Variants in ZNF521 observed in about 807,000 individuals in gnomAD.
ZNF521 encodes LYST-interacting protein 3.
Under a neutral mutation model 105.5 loss-of-function variants are expected in ZNF521, and 14 were observed. The ratio of observed to expected loss-of-function variants is 0.13; its 90% CI spans 0.09 to 0.21. The LOEUF (loss-of-function observed/expected upper bound fraction) is 0.21. Ranked by LOEUF, ZNF521 falls within the 10% of genes least tolerant of loss-of-function variation. The probability of loss-of-function intolerance (pLI) is 1.00; values close to 1 mark genes in which losing one functional copy is unlikely to be tolerated. For synonymous variants in ZNF521, 635 were observed against 606.0 expected (o/e 1.05, Z -0.70); for missense variants, 1,233 against 1,629.7 (o/e 0.76, Z 4.19).
intron 5 of ZNF521, among the ~76,000 whole-genome samples, chr18:25,148,939 C>T (rs570427587): frequency 1.8e-4 from 27 of 152,254 alleles, no homozygotes; most frequent in African/African-American, 6.5e-4. Flanking sequence ...TCTGTTATGT[C>T]CCTTTTCAGT....
intron 2 of ZNF521, among the ~76,000 whole-genome samples, chr18:25,330,294 G>A (rs1159669495): frequency 6.6e-6 from 1 of 152,086 alleles, no homozygotes; most frequent in Non-Finnish European, 1.5e-5. Flanking sequence ...CTCTCAAGTA[G>A]CTGGGACTAC....
chr18:25,223,667 A>C (rs1905888586), intron 4 of ZNF521, among the ~76,000 whole-genome samples: 1 of 152,128 alleles, frequency 6.6e-6, no homozygotes, highest in Non-Finnish European at 1.5e-5. Flanking sequence ...CAAAGAAAGC[A>C]GAAAACTACT....
intron 3 of ZNF521, among the ~76,000 whole-genome samples, chr18:25,291,680 A>G (rs547509508): frequency 6.6e-6 from 1 of 152,282 alleles, no homozygotes; most frequent in East Asian, 1.9e-4. Context: ...CCTGCAGACA[A>G]TTCTACTCTC....
chr18:25,343,048 T>C (rs1167784080), intron 2 of ZNF521, among the ~76,000 whole-genome samples: 1 of 152,254 alleles, frequency 6.6e-6, no homozygotes, highest in Non-Finnish European at 1.5e-5. Flanking sequence ...TATAGTTTAC[T>C]GTGTGGACTG....
intron 4 of ZNF521, among the ~76,000 whole-genome samples, chr18:25,213,206 T>C (rs1233984499): frequency 6.7e-6 from 1 of 148,314 alleles, no homozygotes; most frequent in Non-Finnish European, 1.5e-5. Flanking sequence ...ATAGTTACAT[T>C]ATAATTATAT....
intron 5 of ZNF521, among the ~76,000 whole-genome samples, chr18:25,115,221 G>A (rs2034279128): frequency 6.6e-6 from 1 of 152,104 alleles, no homozygotes; most frequent in Non-Finnish European, 1.5e-5. Flanking sequence ...ACATAATTTG[G>A]GGATCTGACA....
At chr18:25,234,083 C>G (rs535776184) in intron 3 of ZNF521, among the ~76,000 whole-genome samples, 11 of 152,250 alleles carry the variant, frequency 7.2e-5, no homozygotes, top group African/African-American at 2.7e-4. Flanking sequence ...TGAAGCCAGA[C>G]AGAAGGAAAA....
intron 4 of ZNF521, among the ~76,000 whole-genome samples, chr18:25,219,927 C>A (rs374415987): frequency 6.6e-6 from 1 of 152,234 alleles, no homozygotes; most frequent in East Asian, 1.9e-4. Flanking sequence ...CATGCAGTCA[C>A]GTAACCACCA....
rs138331600 is a variant in ZNF521 at position 25,208,951 on chromosome 18, C to T, written c.3574-13707G>A. 1.1e-3 allele frequency among the ~76,000 whole-genome samples: 170 copies of T among 152,058 alleles called. 1 individual carries two copies. The highest frequency in any genetic ancestry group is 6.2e-4 in the Non-Finnish European group (42 of 67,996). On this transcript the variant is annotated intron_variant, in intron 4 of 7. Transcript: ENST00000361524. ...TATTTTTGCTTCCTACTGCCTAAGCCGAACTTAAATGTAAAATTTCGAAGA... is the reference window on the plus strand; with the variant it reads ...TATTTTTGCTTCCTACTGCCTAAGCTGAACTTAAATGTAAAATTTCGAAGA...
At chr18:25,331,688 AC>A (rs959177497) in intron 2 of ZNF521, among the ~76,000 whole-genome samples, 17 of 152,294 alleles carry the variant, frequency 1.1e-4, no homozygotes, top group African/African-American at 3.4e-4. Context: ...TCTGAATTGG[AC>A]ACCTAAAGTT....
At chr18:25,205,926 T>C (rs957639653) in intron 4 of ZNF521, among the ~76,000 whole-genome samples, 1 of 152,198 alleles carries the variant, frequency 6.6e-6, no homozygotes. Context: ...ATTATTTCAA[T>C]AAAACTGATC....
At chr18:25,100,760 GA>G (rs1330423926) in intron 5 of ZNF521, among the ~76,000 whole-genome samples, 1 of 151,988 alleles carries the variant, frequency 6.6e-6, no homozygotes, top group Non-Finnish European at 1.5e-5. Flanking sequence ...TGTGAAACTT[GA>G]ATTCTTCTAA....
chr18:25,134,099 C>A (rs149744670), intron 5 of ZNF521, among the ~76,000 whole-genome samples: 1 of 152,200 alleles, frequency 6.6e-6, no homozygotes, highest in South Asian at 2.1e-4. Context: ...TTACTGCTGG[C>A]GGCCTATAAA....
At chr18:25,089,075 C>T (rs919290981) in intron 7 of ZNF521, among the ~76,000 whole-genome samples, 16 of 152,292 alleles carry the variant, frequency 1.1e-4, no homozygotes, top group Admixed American at 1.0e-3. Flanking sequence ...CAATTTTAAG[C>T]CCCTCAGGAC....
chr18:25,328,098 T>C lies in ZNF521; in HGVS notation c.41-5911A>G, dbSNP rs142143581. Among the ~76,000 whole-genome samples the C allele has an allele frequency of 7.4e-4, 113 of 152,320 alleles. 1 individual carries two copies. The highest frequency in any genetic ancestry group is 2.5e-3 in the African/African-American group (106 of 41,578). On this transcript the variant is annotated intron_variant, in intron 2 of 7. Coordinates refer to ENST00000361524, the MANE Select transcript of ZNF521 (RefSeq NM_015461.3). ...ACTCTATTCTCTGAAAGTTGTTAAA[T>C]TGTTTTACAGAAGAAGAAAAGGAAC...
chr18:25,257,415 C>A (rs1908594904), intron 3 of ZNF521, among the ~76,000 whole-genome samples: 1 of 152,148 alleles, frequency 6.6e-6, no homozygotes, highest in Non-Finnish European at 1.5e-5. Context: ...GCTTCAACTT[C>A]TTATGTGACC....
chr18:25,306,621 T>C (rs1911993377), intron 3 of ZNF521, among the ~76,000 whole-genome samples: 1 of 152,186 alleles, frequency 6.6e-6, no homozygotes, highest in African/African-American at 2.4e-5. Context: ...CTTAATGCTT[T>C]AAATGTCCTG....
At chr18:25,090,338 G>A (rs773257245) in intron 6 of ZNF521, among the ~76,000 whole-genome samples, 10 of 152,074 alleles carry the variant, frequency 6.6e-5, no homozygotes, top group Non-Finnish European at 8.8e-5. Flanking sequence ...GGCAGGGAAA[G>A]GATTTATTAA....
intron 5 of ZNF521, among the ~76,000 whole-genome samples, chr18:25,161,254 G>T (rs1042780143): frequency 6.6e-6 from 1 of 152,106 alleles, no homozygotes; most frequent in African/African-American, 2.4e-5. Flanking sequence ...CACACACGGT[G>T]GTTGGGGGAA....
Sources: gnomAD v4.1 joint callset for allele counts (sites outside exome capture counted in the v4.1 genomes callset) on GRCh38, gnomAD v4.1.1 for gene constraint, MANE v1.5 for transcripts, NCBI Gene and HGNC (gene_info 2026-07-23, HGNC 2026-07-21) for gene names.